PCCA: variants seen among roughly 807,000 people sequenced by gnomAD.
PCCA encodes the protein propionyl-CoA carboxylase subunit alpha.
A neutral mutation model predicts 101.3 loss-of-function variants in PCCA; 74 were observed. The observed-to-expected ratio is 0.73, with a 90% CI of 0.61 to 0.89. The LOEUF (loss-of-function observed/expected upper bound fraction) is 0.89. PCCA is among the 40% of genes least tolerant of loss of function. PCCA has a pLI of 0.00. For synonymous variants in PCCA, 294 were observed against 313.6 expected, an observed-to-expected ratio of 0.94 and a Z score of 0.66; for missense variants, 891 against 907.0, an observed-to-expected ratio of 0.98 and a Z score of 0.23.
chr13:100,103,846 G>C (rs939138791), intron 2 of PCCA, among the ~76,000 whole-genome samples: 5 of 151,982 alleles, frequency 3.3e-5, no homozygotes, highest in Admixed American at 3.3e-4. Flanking sequence ...ATGTTGGCCA[G>C]GCTGGTCTCA....
At chr13:100,487,769 G>C (rs2084507548) in intron 21 of PCCA, among the ~76,000 whole-genome samples, 1 of 152,046 alleles carries the variant, frequency 6.6e-6, no homozygotes, top group Non-Finnish European at 1.5e-5. Flanking sequence ...CTGTCACCCA[G>C]GCTGGAGTGC....
intron 21 of PCCA, among the ~76,000 whole-genome samples, chr13:100,501,612 G>A (rs921538768): frequency 4.6e-5 from 7 of 152,146 alleles, no homozygotes; most frequent in African/African-American, 1.2e-4. Context: ...GGCAGCTCAC[G>A]CCTGTAATCC....
chr13:100,117,615 T>C (rs1348028092), intron 4 of PCCA, among the ~76,000 whole-genome samples: 1 of 151,686 alleles, frequency 6.6e-6, no homozygotes, highest in Non-Finnish European at 1.5e-5. Context: ...ACACACTGTG[T>C]CCTGTTGTGG....
At chr13:100,401,194 A>G (rs2077342644) in intron 19 of PCCA, among the ~76,000 whole-genome samples, 1 of 151,870 alleles carries the variant, frequency 6.6e-6, no homozygotes, top group Non-Finnish European at 1.5e-5. Context: ...ATAGCTTTCT[A>G]AGGAATTAAA....
chr13:100,529,948 G>C, intron 23 of PCCA, 150 bp from the exon 24 acceptor site: 1 of 685,680 alleles, frequency 1.5e-6, no homozygotes, highest in Non-Finnish European at 2.6e-6. Flanking sequence ...GGGTCCCTTC[G>C]ATGGGCTCCG....
At chr13:100,449,701 GCTGGCCTCAAACTC>G (rs1285699133) in intron 21 of PCCA, among the ~76,000 whole-genome samples, 1 of 152,166 alleles carries the variant, frequency 6.6e-6, no homozygotes, top group Non-Finnish European at 1.5e-5. Flanking sequence ...TGTTGGCCAG[GCTGGCCTCAAACTC>G]CTGGCCTCAA....
intron 19 of PCCA, among the ~76,000 whole-genome samples, chr13:100,380,365 A>G (rs906819699): frequency 6.6e-6 from 1 of 152,168 alleles, no homozygotes; most frequent in African/African-American, 2.4e-5. Flanking sequence ...CTGTCTCAAA[A>G]CCAACCAAAC....
chr13:100,505,126 G>T (rs2085966465), intron 21 of PCCA, among the ~76,000 whole-genome samples: 1 of 152,170 alleles, frequency 6.6e-6, no homozygotes, highest in Non-Finnish European at 1.5e-5. Context: ...TTCTGTAAGA[G>T]AGGGGCTAAA....
At chr13:100,145,823 T>G (rs1366935102) in intron 4 of PCCA, among the ~76,000 whole-genome samples, 3 of 149,858 alleles carry the variant, frequency 2.0e-5, no homozygotes, top group African/African-American at 7.4e-5. Context: ...GATTGCACCA[T>G]TGCACTCCAG....
At chr13:100,091,895 C>T (rs2046311385) in intron 1 of PCCA, among the ~76,000 whole-genome samples, 1 of 152,004 alleles carries the variant, frequency 6.6e-6, no homozygotes, top group Non-Finnish European at 1.5e-5. Flanking sequence ...TATTATTGAA[C>T]TCTTATATGC....
In PCCA at chr13:100,449,290, G is replaced by A. The variant is rs552141237; in HGVS notation, c.1884G>A (p.Gln628=). The part of the protein sequence containing the change: ...SREAGGNMSI[Q]FLGTVYKVNI... Reference sequence around the variant, plus strand: ...AAGCAGGTGGAAACATGAGCATTCAGTTTCTTGGTACAGTGGTAAGTATGA... The same window carrying A: ...AAGCAGGTGGAAACATGAGCATTCAATTTCTTGGTACAGTGGTAAGTATGA... Residue 628 remains glutamine, a synonymous_variant, in exon 21 of 24, where the codon CAG becomes CAA. Transcript: ENST00000376285. 146 of 1,536,686 alleles carry A rather than the reference G, an allele frequency of 9.5e-5. No individual in the cohort carries two copies. In the South Asian group the frequency reaches 1.7e-3, roughly 18 times the overall value.
At chr13:100,155,128 C>A in intron 5 of PCCA, 36 bp downstream of exon 5, 2 of 1,269,664 alleles carry the variant, frequency 1.6e-6, no homozygotes, top group Non-Finnish European at 2.3e-6. Context: ...GCAGCTGTTT[C>A]ATATGTAGTG....
At chr13:100,513,863 C>T (rs1594093368) in intron 21 of PCCA, among the ~76,000 whole-genome samples, 1 of 152,198 alleles carries the variant, frequency 6.6e-6, no homozygotes, top group Non-Finnish European at 1.5e-5. Flanking sequence ...GACTCTGATG[C>T]CTCTAGTGAT....
intron 18 of PCCA, among the ~76,000 whole-genome samples, chr13:100,346,993 C>T (rs2072339778): frequency 6.6e-6 from 1 of 152,124 alleles, no homozygotes; most frequent in African/African-American, 2.4e-5. Context: ...CCTGCCTCAG[C>T]CTCCCAAGTA....
At chr13:100,124,132 A>C (rs2049713052) in intron 4 of PCCA, among the ~76,000 whole-genome samples, 1 of 152,200 alleles carries the variant, frequency 6.6e-6, no homozygotes. Flanking sequence ...CATTTATATC[A>C]AACTGCTAAA....
intron 7 of PCCA, among the ~76,000 whole-genome samples, chr13:100,219,235 AATATTT>A: frequency 6.6e-6 from 1 of 152,264 alleles, no homozygotes; most frequent in South Asian, 2.1e-4. Flanking sequence ...ACTCAGCCTG[AATATTT>A]CTACCAGTAT....
Position 100,107,792 on chromosome 13 carries a change from C to T in PCCA, c.184-4049C>T, listed in dbSNP as rs564858963. Among the ~76,000 whole-genome samples, 74 of 152,294 alleles carry T rather than the reference C, an allele frequency of 4.9e-4. 1 individual carries two copies. The highest frequency in any genetic ancestry group is 1.6e-3 in the African/African-American group (67 of 41,570). ...TAAATATTGTCATCATAGCCATTAC[C>T]TGATAGATGAGATAATGCACAGAAG... On this transcript the variant is annotated intron_variant, in intron 2 of 23. Transcript: ENST00000376285.
chr13:100,348,687 C>A (rs1406784054), intron 18 of PCCA, among the ~76,000 whole-genome samples: 1 of 151,880 alleles, frequency 6.6e-6, no homozygotes, highest in African/African-American at 2.4e-5. Flanking sequence ...GATCTGGATT[C>A]AGCTTTCTTG....
At chr13:100,317,285 T>C (rs2152708718) in intron 16 of PCCA, among the ~76,000 whole-genome samples, 1 of 152,296 alleles carries the variant, frequency 6.6e-6, no homozygotes, top group East Asian at 1.9e-4. Context: ...TTGTAATATA[T>C]GAGCGATTTG....
Sources: allele counts gnomAD v4.1 joint callset (sites outside exome capture counted in the v4.1 genomes callset), GRCh38; gene constraint gnomAD v4.1.1; transcripts MANE v1.5; gene names NCBI Gene and HGNC (gene_info 2026-07-23, HGNC 2026-07-21).